GALNT16: variants seen among roughly 807,000 people sequenced by gnomAD.
The protein encoded by GALNT16 is polypeptide N-acetylgalactosaminyltransferase 16.
A neutral mutation model predicts 76.1 loss-of-function variants in GALNT16; 40 were observed. That is an observed-to-expected ratio of 0.53 (90% confidence interval 0.41 to 0.68). GALNT16 has a LOEUF of 0.68. Among genes scored for constraint, GALNT16 ranks in the 30% least tolerant of loss-of-function variants. The pLI, the probability that GALNT16 is intolerant of heterozygous loss-of-function variation, is 0.00. For synonymous variants in GALNT16, 276 were observed against 285.2 expected, an observed-to-expected ratio of 0.97 and a Z score of 0.32; for missense variants, 621 against 731.9, an observed-to-expected ratio of 0.85 and a Z score of 1.75.
intron 1 of GALNT16, among the ~76,000 whole-genome samples, chr14:69,302,768 A>G (rs988547580): frequency 6.6e-6 from 1 of 152,254 alleles, no homozygotes; most frequent in Non-Finnish European, 1.5e-5. Context: ...ATAAAAATGA[A>G]TAAATTTTTA....
At chr14:69,290,878 A>T (rs1195632632) in intron 1 of GALNT16, among the ~76,000 whole-genome samples, 1 of 152,246 alleles carries the variant, frequency 6.6e-6, no homozygotes, top group Non-Finnish European at 1.5e-5. Context: ...GAGGAAGGTA[A>T]CGTCACCAGG....
Position 69,333,182 on chromosome 14 carries a change from G to C in GALNT16, c.863+13G>C, listed in dbSNP as rs751988753. Reference sequence around the variant, plus strand: ...CCAGGCCCATAAGGTCAGAGCTGCGGTGGGCTCTGGGGGACCCCTTCCTTC... The same window carrying C: ...CCAGGCCCATAAGGTCAGAGCTGCGCTGGGCTCTGGGGGACCCCTTCCTTC... On this transcript the variant is annotated intron_variant, in intron 8 of 14. Coordinates refer to ENST00000448469, the MANE Select transcript of GALNT16 (RefSeq NM_001168368.2). The surrounding 1 kb of genome is among the most constrained non-coding windows in gnomAD (Gnocchi z 4.2). 2 of 1,566,580 alleles carry C rather than the reference G, an allele frequency of 1.3e-6. No individual in the cohort carries two copies. Among genetic ancestry groups the C allele is most frequent in the Non-Finnish European group, 8.8e-7 (1 of 1,142,260 alleles).
At chr14:69,379,475 CA>C in the GALNT16 span, among the ~76,000 whole-genome samples, 4 of 152,052 alleles carry the variant, frequency 2.6e-5, no homozygotes, top group Admixed American at 2.6e-4. Context: ...GAGGCAGGAA[CA>C]GGGGGATATT....
intron 1 of GALNT16, among the ~76,000 whole-genome samples, chr14:69,313,929 G>A (rs373217370): frequency 1.7e-4 from 26 of 152,294 alleles, no homozygotes; most frequent in African/African-American, 4.8e-4. Flanking sequence ...AAGGTCCCTC[G>A]TAGTTCCAAG....
the GALNT16 span, among the ~76,000 whole-genome samples, chr14:69,369,150 T>G: frequency 6.6e-6 from 1 of 152,070 alleles, no homozygotes; most frequent in Non-Finnish European, 1.5e-5. Flanking sequence ...CTATTGCAGA[T>G]GATAACTGAT....
chr14:69,372,720 T>A, the GALNT16 span, among the ~76,000 whole-genome samples: 1 of 152,084 alleles, frequency 6.6e-6, no homozygotes, highest in Non-Finnish European at 1.5e-5. Context: ...CTGAAAAGAT[T>A]CAGAGGGCCT....
chr14:69,324,832 G>A, intron 3 of GALNT16, 42 bp downstream of exon 3: 1 of 1,350,932 alleles, frequency 7.4e-7, no homozygotes. Flanking sequence ...GGTGCTGGCA[G>A]GGGAGGACAT....
intron 1 of GALNT16, among the ~76,000 whole-genome samples, chr14:69,317,555 A>T (rs1462138794): frequency 6.6e-6 from 1 of 152,236 alleles, no homozygotes; most frequent in Non-Finnish European, 1.5e-5. Flanking sequence ...GTATGTACAT[A>T]GTAGGTTTTC....
chr14:69,300,071 G>A (rs1275119915), intron 1 of GALNT16, among the ~76,000 whole-genome samples: 2 of 152,168 alleles, frequency 1.3e-5, no homozygotes, highest in Non-Finnish European at 2.9e-5. Flanking sequence ...AGGAAGGGAT[G>A]TTTCCTAGGG....
chr14:69,267,832 C>T lies in GALNT16; in HGVS notation c.177+7365C>T, dbSNP rs181037499. On this transcript the variant is annotated intron_variant, in intron 1 of 14. Transcript: ENST00000448469. Reference sequence around the variant, plus strand: ...AGGTGAGGGTTGAACTACAGGATCTCGGCGGTCCCTATCAGCTGAAATAAT... The same window carrying T: ...AGGTGAGGGTTGAACTACAGGATCTTGGCGGTCCCTATCAGCTGAAATAAT... 1.6e-4 allele frequency among the ~76,000 whole-genome samples: 24 copies of T among 152,248 alleles called. No individual in the cohort carries two copies. The East Asian group carries it at 2.7e-3, about 17-fold the overall frequency.
chr14:69,344,406 G>A (rs980365562), intron 12 of GALNT16, among the ~76,000 whole-genome samples: 19 of 152,258 alleles, frequency 1.2e-4, no homozygotes, highest in African/African-American at 4.6e-4. Flanking sequence ...CAGTATGTCA[G>A]TTTTCTAACA....
chr14:69,298,458 T>C (rs2078563499), intron 1 of GALNT16: 1 of 152,298 alleles, frequency 6.6e-6, no homozygotes, highest in African/African-American at 2.4e-5. Flanking sequence ...AACCTGTTGG[T>C]AGGGAATGAT....
intron 1 of GALNT16, among the ~76,000 whole-genome samples, chr14:69,267,903 G>C (rs1349869819): frequency 1.3e-5 from 2 of 152,208 alleles, no homozygotes; most frequent in African/African-American, 4.8e-5. Context: ...GTGGCCTTCA[G>C]CCAGGGCTTA....
At chr14:69,284,736 C>A (rs140536349) in intron 1 of GALNT16, among the ~76,000 whole-genome samples, 3,484 of 152,244 alleles carry the variant, frequency 0.023, 132 homozygotes, top group African/African-American at 0.079. Context: ...CCACCCAAAT[C>A]TCATCTTGTA....
At chr14:69,373,197 G>C in the GALNT16 span, among the ~76,000 whole-genome samples, 1 of 152,168 alleles carries the variant, frequency 6.6e-6, no homozygotes, top group African/African-American at 2.4e-5. Context: ...CAAGCCCAAG[G>C]GTCCTGTAAC....
intron 1 of GALNT16, among the ~76,000 whole-genome samples, chr14:69,263,129 C>T (rs1272210223): frequency 2.2e-4 from 33 of 152,150 alleles, no homozygotes; most frequent in Admixed American, 2.2e-3. Context: ...ATCCATTCAC[C>T]TCAGCCTCCT....
At chr14:69,298,300 G>C (rs1199064428) in intron 1 of GALNT16, among the ~76,000 whole-genome samples, 1 of 152,200 alleles carries the variant, frequency 6.6e-6, no homozygotes, top group African/African-American at 2.4e-5. Context: ...CTAGCTGTGT[G>C]TGGCCCTCTC....
chr14:69,326,103 T>C, intron 5 of GALNT16, 76 bp downstream of exon 5: 1 of 1,135,736 alleles, frequency 8.8e-7, no homozygotes, highest in South Asian at 1.2e-5. Context: ...TCTCTCTTGG[T>C]GCCGTGGCAC....
chr14:69,297,953 CTGT>C (rs1206442641), intron 1 of GALNT16, among the ~76,000 whole-genome samples: 4 of 152,314 alleles, frequency 2.6e-5, no homozygotes, highest in African/African-American at 9.6e-5. Flanking sequence ...TTGGTCGGTA[CTGT>C]ACTCACCCCT....
Sources: allele counts gnomAD v4.1 joint callset (sites outside exome capture counted in the v4.1 genomes callset), GRCh38; gene constraint gnomAD v4.1.1; non-coding constraint Gnocchi (gnomAD v3.1); transcripts MANE v1.5; gene names NCBI Gene and HGNC (gene_info 2026-07-23, HGNC 2026-07-21).